The following ARHGAP19 variants were observed in gnomAD, a reference collection of about 807,000 sequenced individuals.
The protein encoded by ARHGAP19 is Rho GTPase activating protein 19, also known as rho GTPase-activating protein 19.
In ARHGAP19, 48 loss-of-function variants were observed where a neutral mutation model predicts 60.9. The observed-to-expected ratio is 0.79, with a 90% CI of 0.62 to 1.00. The LOEUF (loss-of-function observed/expected upper bound fraction) is 1.00, where lower values mean the gene tolerates loss of function less well. Among genes scored for constraint, ARHGAP19 ranks in the 50% least tolerant of loss-of-function variants. ARHGAP19 has a pLI of 0.00. For synonymous variants in ARHGAP19, 209 were observed against 215.5 expected, an observed-to-expected ratio of 0.97 and a Z score of 0.27; for missense variants, 562 against 597.2, an observed-to-expected ratio of 0.94 and a Z score of 0.61.
Position 97,222,278 on chromosome 10 carries a change from A to C in ARHGAP19, c.*3844T>G, listed in dbSNP as rs1355258390. ...TACAATTACATATACATAGTCAAAT[A>C]AGAATGAAAACTTTAACCAAAACAC... On this transcript the variant is annotated 3_prime_UTR_variant, in exon 12 of 12. Coordinates refer to ENST00000358531, the MANE Select transcript of ARHGAP19 (RefSeq NM_032900.6). 6.6e-6 allele frequency: 1 copy of C among 152,268 alleles called. No individual in the cohort carries two copies. Among genetic ancestry groups the C allele is most frequent in the African/African-American group, 2.4e-5 (1 of 41,476 alleles). 9.4% of individuals were successfully genotyped at this position (152,268 alleles called of 1,614,324 possible).
chr10:97,249,777 G>A (rs1441861068), intron 6 of ARHGAP19, among the ~76,000 whole-genome samples: 1 of 150,414 alleles, frequency 6.6e-6, no homozygotes, highest in Non-Finnish European at 1.5e-5. Context: ...TTTCTTAGAT[G>A]TGATAATAGT....
intron 6 of ARHGAP19, among the ~76,000 whole-genome samples, chr10:97,255,128 G>A (rs1005660176): frequency 5.9e-5 from 9 of 152,162 alleles, no homozygotes; most frequent in African/African-American, 2.2e-4. Context: ...GAAGAGTTCT[G>A]GAAATGGATG....
chr10:97,239,447 G>A (rs1431294237), intron 8 of ARHGAP19, among the ~76,000 whole-genome samples: 1 of 151,548 alleles, frequency 6.6e-6, no homozygotes, highest in East Asian at 2.0e-4. Flanking sequence ...AGTGAGCCGA[G>A]ATCGGAGATC....
intron 9 of ARHGAP19, among the ~76,000 whole-genome samples, chr10:97,234,315 T>A (rs1168896194): frequency 6.6e-6 from 1 of 150,838 alleles, no homozygotes; most frequent in Non-Finnish European, 1.5e-5. Context: ...CTGGGCTTCA[T>A]ACCTAGGTGA....
intron 8 of ARHGAP19, among the ~76,000 whole-genome samples, chr10:97,242,383 G>A (rs1842500796): frequency 7.2e-6 from 1 of 138,734 alleles, no homozygotes; most frequent in Admixed American, 7.7e-5. Context: ...GCCCAGGCTG[G>A]AGTGCAATAG....
chr10:97,231,477 T>C (rs529350781), intron 9 of ARHGAP19, among the ~76,000 whole-genome samples: 1 of 152,280 alleles, frequency 6.6e-6, no homozygotes, highest in East Asian at 1.9e-4. Flanking sequence ...CCTCATACTC[T>C]TAGCTCCCCT....
rs1451053490 is a variant in ARHGAP19 at position 97,292,577 on chromosome 10, G to T, written c.51C>A (p.Gly17=). The T allele has an allele frequency of 6.2e-7, 1 of 1,614,150 alleles. No homozygotes were observed. Among genetic ancestry groups the T allele is most frequent in the African/African-American group, 1.3e-5 (1 of 75,032 alleles). ...CTGGACCAAACTCAGCTCACCTCCG[G>T]CCGGATTCGCGGGCTGGCACCTCCC... ...SEGEVPARES[G]RSDAICSFVI... The change falls in exon 1 of 12, where the codon GGC becomes GGA. Residue 17 remains glycine, a synonymous_variant. Transcript: ENST00000358531.
chr10:97,278,605 G>T (rs1460844807), intron 1 of ARHGAP19, among the ~76,000 whole-genome samples: 5 of 152,010 alleles, frequency 3.3e-5, no homozygotes, highest in Admixed American at 3.3e-4. Context: ...TATCAATCTA[G>T]TAATACTAAA....
chr10:97,266,454 C>A (rs368130485), intron 1 of ARHGAP19, among the ~76,000 whole-genome samples: 12 of 152,342 alleles, frequency 7.9e-5, no homozygotes, highest in Admixed American at 7.2e-4. Context: ...AGGTTCTTCT[C>A]TCTAGGGCTC....
chr10:97,254,027 A>C (rs1374804290), intron 6 of ARHGAP19, among the ~76,000 whole-genome samples: 4 of 152,178 alleles, frequency 2.6e-5, no homozygotes, highest in African/African-American at 9.7e-5. Context: ...AACATAAATA[A>C]ATGGAAAAGT....
At position 97,229,883 on chromosome 10, in the gene ARHGAP19, A is replaced by G. The variant is rs1850973019; in HGVS notation, c.1285-9T>C. The G allele has an allele frequency of 1.3e-6, 2 of 1,573,090 alleles. No homozygotes were observed. The highest frequency in any genetic ancestry group is 2.7e-5 in the African/African-American group (2 of 73,488). On this transcript the variant is annotated splice_polypyrimidine_tract_variant and intron_variant, in intron 9 of 11. Coordinates refer to ENST00000358531, the MANE Select transcript of ARHGAP19 (RefSeq NM_032900.6). ...TTTCCCAGGACCTTCCGCTGATTTA[A>G]GAACAGAAAACATTTGATTTATAAA...
At chr10:97,267,151 G>A (rs1208447327) in intron 1 of ARHGAP19, among the ~76,000 whole-genome samples, 1 of 152,198 alleles carries the variant, frequency 6.6e-6, no homozygotes, top group Admixed American at 6.5e-5. Context: ...CAGGCATTGG[G>A]TAAATACACC....
intron 6 of ARHGAP19, among the ~76,000 whole-genome samples, chr10:97,252,537 T>C (rs1842699550): frequency 6.7e-6 from 1 of 150,288 alleles, no homozygotes; most frequent in African/African-American, 2.5e-5. Flanking sequence ...GGCAGGAGAA[T>C]GGCATGAACC....
At chr10:97,292,383 G>T (rs901639399) in intron 1 of ARHGAP19, among the ~76,000 whole-genome samples, 189 bp downstream of exon 1, 5 of 152,246 alleles carry the variant, frequency 3.3e-5, no homozygotes, top group Admixed American at 1.3e-4. Context: ...GACCGAGCGG[G>T]GGGTTTGGCT....
chr10:97,267,405 A>G (rs1264044812), intron 1 of ARHGAP19, among the ~76,000 whole-genome samples: 3 of 152,208 alleles, frequency 2.0e-5, no homozygotes, highest in Non-Finnish European at 1.5e-5. Flanking sequence ...GAGTGTTTGC[A>G]GCTTTTCCAC....
intron 1 of ARHGAP19, among the ~76,000 whole-genome samples, chr10:97,278,442 T>C (rs1843045482): frequency 6.6e-6 from 1 of 152,210 alleles, no homozygotes; most frequent in Admixed American, 6.5e-5. Flanking sequence ...GTCAGGACTC[T>C]TAGCAGTTTA....
At chr10:97,287,562 G>A (rs889349345) in intron 1 of ARHGAP19, among the ~76,000 whole-genome samples, 2 of 151,816 alleles carry the variant, frequency 1.3e-5, no homozygotes, top group Non-Finnish European at 2.9e-5. Flanking sequence ...GGCAATATAG[G>A]GAGACTCAGT....
At chr10:97,282,415 A>C (rs985188064) in intron 1 of ARHGAP19, among the ~76,000 whole-genome samples, 1 of 152,266 alleles carries the variant, frequency 6.6e-6, no homozygotes, top group Non-Finnish European at 1.5e-5. Flanking sequence ...TTTTCCATAC[A>C]GATTAAACCA....
In ARHGAP19 at chr10:97,246,262, C is replaced by T. The variant is rs1438988482; in HGVS notation, c.993+10G>A. The T allele has an allele frequency of 1.2e-6, 2 of 1,611,524 alleles. No homozygotes were observed. Among genetic ancestry groups the T allele is most frequent in the Non-Finnish European group, 1.7e-6 (2 of 1,177,866 alleles). On this transcript the variant is annotated intron_variant, in intron 7 of 11. Transcript: ENST00000358531. ...CCTTGTTTGGGTTAAGAGCAGATTC[C>T]TATTCTTACCTTTGATGCCTGAGTT...
Sources: gnomAD v4.1 joint callset for allele counts (sites outside exome capture counted in the v4.1 genomes callset) on GRCh38, gnomAD v4.1.1 for gene constraint, MANE v1.5 for transcripts, NCBI Gene and HGNC (gene_info 2026-07-23, HGNC 2026-07-21) for gene names.